SSX2IP: variants seen among roughly 807,000 people sequenced by gnomAD.
SSX2IP encodes the protein SSX family member 2 interacting protein.
In SSX2IP, 55 loss-of-function variants were observed where a neutral mutation model predicts 84.9. The observed-to-expected ratio is 0.65, with a 90% CI of 0.52 to 0.81. The LOEUF (loss-of-function observed/expected upper bound fraction) is 0.81. SSX2IP is among the 30% of genes least tolerant of loss of function. The pLI, the probability that SSX2IP is intolerant of heterozygous loss-of-function variation, is 0.00. For synonymous variants in SSX2IP, 239 were observed against 234.7 expected, an observed-to-expected ratio of 1.02 and a Z score of -0.17; for missense variants, 664 against 705.2, an observed-to-expected ratio of 0.94 and a Z score of 0.66.
At chr1:84,686,648 T>A (rs1212728169) in intron 1 of SSX2IP, among the ~76,000 whole-genome samples, 1 of 151,658 alleles carries the variant, frequency 6.6e-6, no homozygotes, top group African/African-American at 2.4e-5. Flanking sequence ...CCAAAGAACA[T>A]CAACATAAGC....
In SSX2IP at chr1:84,646,629, C is replaced by T. The variant is rs1649491190; in HGVS notation, c.*804G>A. 1 of 152,442 alleles carries T rather than the reference C, an allele frequency of 6.6e-6. No individual in the cohort carries two copies. Among genetic ancestry groups the T allele is most frequent in the Non-Finnish European group, 1.5e-5 (1 of 67,966 alleles). The allele number at this position is 152,442 out of a possible 1,614,324, so 9.4% of individuals were successfully genotyped here. ...CTTTTGTCGTCTTGCCCCTATTCTT[C>T]TATCATCAATAGTCCTTTTAAAAAT... On this transcript the variant is annotated 3_prime_UTR_variant, in exon 14 of 14. Transcript: ENST00000342203.
intron 1 of SSX2IP, among the ~76,000 whole-genome samples, chr1:84,684,525 G>A (rs1655523704): frequency 6.6e-6 from 1 of 152,086 alleles, no homozygotes; most frequent in Non-Finnish European, 1.5e-5. Flanking sequence ...AGAGGATGGG[G>A]GGAAACTCTG....
Position 84,689,038 on chromosome 1 carries a change from T to C in SSX2IP, c.-90+1333A>G, listed in dbSNP as rs140560796. Among the ~76,000 whole-genome samples the C allele has an allele frequency of 2.8e-3, 429 of 152,318 alleles. 3 individuals are homozygous for C. Among genetic ancestry groups the C allele is most frequent in the African/African-American group, 9.8e-3 (408 of 41,572 alleles). ...AGAGTGTTAAATTAGCTATTAGCTT[T>C]CCTTACTTGTTTAGTGTGAATGAAT... On this transcript the variant is annotated intron_variant, in intron 1 of 13. Coordinates refer to ENST00000342203, the MANE Select transcript of SSX2IP (RefSeq NM_001166293.2).
At chr1:84,684,162 T>G (rs570200627) in intron 1 of SSX2IP, among the ~76,000 whole-genome samples, 1 of 152,216 alleles carries the variant, frequency 6.6e-6, no homozygotes, top group Admixed American at 6.5e-5. Flanking sequence ...TTGGTTATAG[T>G]TGTCAACGTG....
At chr1:84,680,883 GA>G (rs1025869628) in intron 1 of SSX2IP, among the ~76,000 whole-genome samples, 8 of 151,790 alleles carry the variant, frequency 5.3e-5, no homozygotes, top group Non-Finnish European at 1.2e-4. Context: ...TTCATATTAA[GA>G]AAAAAAATTT....
At chr1:84,648,767 C>A (rs1294676250) in intron 13 of SSX2IP, among the ~76,000 whole-genome samples, 1 of 152,186 alleles carries the variant, frequency 6.6e-6, no homozygotes, top group Non-Finnish European at 1.5e-5. Context: ...TAAGAAAATA[C>A]TATAAGCTTA....
chr1:84,682,650 G>A (rs751851041), intron 1 of SSX2IP, among the ~76,000 whole-genome samples: 30 of 151,726 alleles, frequency 2.0e-4, no homozygotes, highest in Non-Finnish European at 3.2e-4. Context: ...GACTACAGGC[G>A]CATGCCACCG....
In SSX2IP at chr1:84,651,876, TACTC is replaced by T; in HGVS notation, c.1504+3_1504+6del. ...TGTTCAAATTAAAGAGTTTATAAAG[TACTC>T]ACTTCCTGAGAAGGCACTGAAAAGT... On this transcript the variant is annotated splice_donor_5th_base_variant and intron_variant, in intron 12 of 13. Coordinates refer to ENST00000342203, the MANE Select transcript of SSX2IP (RefSeq NM_001166293.2). 3 of 1,563,938 alleles carry T rather than the reference TACTC, an allele frequency of 1.9e-6. No homozygotes were observed. Among genetic ancestry groups the T allele is most frequent in the Non-Finnish European group, 2.6e-6 (3 of 1,135,418 alleles).
chr1:84,682,129 A>C (rs1391864641), intron 1 of SSX2IP, among the ~76,000 whole-genome samples: 2 of 152,242 alleles, frequency 1.3e-5, no homozygotes, highest in Non-Finnish European at 2.9e-5. Context: ...TAAATACGGT[A>C]GGGACTTAAT....
Position 84,656,472 on chromosome 1 carries a change from T to G in SSX2IP, c.1091A>C (p.His364Pro), listed in dbSNP as rs751745089. The G allele has an allele frequency of 6.2e-6, 10 of 1,611,462 alleles. No homozygotes were observed. In the African/African-American group the frequency reaches 9.4e-5, roughly 15 times the overall value. The change falls in exon 10 of 14, where the codon CAC (histidine) becomes CCC (proline). Residue 364 changes from histidine (H) to proline (P), a missense_variant. His to Pro is a moderately conservative substitution (Grantham distance 77, BLOSUM62 -2). Coordinates refer to ENST00000342203, the MANE Select transcript of SSX2IP (RefSeq NM_001166293.2). ...EKLDNQVSKVHLEGFNDEDVI... is the reference protein window; with the variant it reads ...EKLDNQVSKVPLEGFNDEDVI... ...ATCTTCATCATTAAAACCTTCCAGG[T>G]GTACCTTTGAAACTAAGACAAAATC...
At position 84,643,910 on chromosome 1, in the gene SSX2IP, T is replaced by C. The variant is rs1649200280; in HGVS notation, c.*3523A>G. 1 of 152,228 alleles carries C rather than the reference T, an allele frequency of 6.6e-6. No individual in the cohort carries two copies. Among genetic ancestry groups the C allele is most frequent in the African/African-American group, 2.4e-5 (1 of 41,460 alleles). The allele number at this position is 152,228 out of a possible 1,614,324, so 9.4% of individuals were successfully genotyped here. On this transcript the variant is annotated 3_prime_UTR_variant, in exon 14 of 14. Coordinates refer to ENST00000342203, the MANE Select transcript of SSX2IP (RefSeq NM_001166293.2). Reference sequence around the variant, plus strand: ...TTCAAAAAAACCTCAACCAGTCATTTGATTTCATATAAATCAAATAATTTA... The same window carrying C: ...TTCAAAAAAACCTCAACCAGTCATTCGATTTCATATAAATCAAATAATTTA...
At chr1:84,675,409 A>T (rs943075657) in intron 1 of SSX2IP, among the ~76,000 whole-genome samples, 4 of 152,230 alleles carry the variant, frequency 2.6e-5, no homozygotes, top group African/African-American at 9.6e-5. Context: ...GTGAAAGGCA[A>T]GTAAGTCTTG....
At chr1:84,677,292 T>C (rs1229996200) in intron 1 of SSX2IP, among the ~76,000 whole-genome samples, 1 of 152,196 alleles carries the variant, frequency 6.6e-6, no homozygotes, top group Non-Finnish European at 1.5e-5. Context: ...TACTTCTCTA[T>C]CGTAAATATC....
chr1:84,646,275 C>T lies in SSX2IP; in HGVS notation c.*1158G>A, dbSNP rs1393454473. The stretch of plus-strand genomic sequence containing the variant: ...ATTATTATTACTATCAAAACAACAA[C>T]ATACTTTTCATGAAGAAACATGCAA... On this transcript the variant is annotated 3_prime_UTR_variant, in exon 14 of 14. Transcript: ENST00000342203. 1.3e-5 allele frequency: 2 copies of T among 152,498 alleles called. No homozygotes were observed. The highest frequency in any genetic ancestry group is 6.6e-5 in the Admixed American group (1 of 15,258). 9.4% of individuals were successfully genotyped at this position (152,498 alleles called of 1,614,324 possible).
intron 8 of SSX2IP, among the ~76,000 whole-genome samples, chr1:84,659,896 C>A (rs1651683910): frequency 6.6e-6 from 1 of 151,942 alleles, no homozygotes; most frequent in African/African-American, 2.4e-5. Flanking sequence ...TTCGGCTGGG[C>A]ACAGTGGCTC....
At chr1:84,678,131 G>A (rs559046308) in intron 1 of SSX2IP, among the ~76,000 whole-genome samples, 1 of 152,226 alleles carries the variant, frequency 6.6e-6, no homozygotes, top group East Asian at 1.9e-4. Context: ...AAATGCCACT[G>A]ATCAGGTTTT....
At chr1:84,660,895 CAAAAAAAA>C (rs11362631) in intron 8 of SSX2IP, among the ~76,000 whole-genome samples, 5 of 98,050 alleles carry the variant, frequency 5.1e-5, no homozygotes, top group African/African-American at 1.3e-4. Flanking sequence ...TACTAAAATA[CAAAAAAAA>C]AAAAAAAAAA....
At chr1:84,685,285 A>T (rs1655627937) in intron 1 of SSX2IP, among the ~76,000 whole-genome samples, 1 of 152,236 alleles carries the variant, frequency 6.6e-6, no homozygotes, top group Admixed American at 6.5e-5. Context: ...CTCTTCCTTT[A>T]AAAGTACAAG....
chr1:84,650,807 C>T (rs1650124701), intron 12 of SSX2IP, among the ~76,000 whole-genome samples: 1 of 152,042 alleles, frequency 6.6e-6, no homozygotes, highest in Non-Finnish European at 1.5e-5. Context: ...TGGGTTCACG[C>T]CATTCTCCTT....
Sources: allele counts gnomAD v4.1 joint callset (sites outside exome capture counted in the v4.1 genomes callset), GRCh38; gene constraint gnomAD v4.1.1; transcripts MANE v1.5; gene names NCBI Gene and HGNC (gene_info 2026-07-23, HGNC 2026-07-21).